The following TMEM87A variants were observed in gnomAD, a reference collection of about 807,000 sequenced individuals.
TMEM87A encodes the protein transmembrane protein 87A.
A neutral mutation model predicts 90.0 loss-of-function variants in TMEM87A; 50 were observed. That is an observed-to-expected ratio of 0.56 (90% CI 0.44 to 0.70). The LOEUF (loss-of-function observed/expected upper bound fraction) is 0.70, where lower values mean the gene tolerates loss of function less well. Among genes scored for constraint, TMEM87A ranks in the 30% least tolerant of loss-of-function variants. The pLI, the probability that TMEM87A is intolerant of heterozygous loss-of-function variation, is 0.00. For missense variants in TMEM87A, 577 were observed against 660.5 expected, an observed-to-expected ratio of 0.87 and a Z score of 1.39; for synonymous variants, 226 against 226.7, an observed-to-expected ratio of 1.00 and a Z score of 0.03.
rs1271981241 is a variant in TMEM87A, at chr15:42,210,504, T to C, written c.*1204A>G. The C allele has an allele frequency of 6.6e-6, 1 of 152,100 alleles. No individual in the cohort carries two copies. Among genetic ancestry groups the C allele is most frequent in the Non-Finnish European group, 1.5e-5 (1 of 68,004 alleles). The allele number at this position is 152,100 out of a possible 1,614,324, so 9.4% of individuals were successfully genotyped here. ...TGACAGAAAGAGTCTTTAGAAAAAG[T>C]TTGAAAAAAATGAGAAAAATACATT... On this transcript the variant is annotated 3_prime_UTR_variant, in exon 20 of 20. Transcript: ENST00000389834.
At chr15:42,257,953 A>C (rs2051214371) in intron 6 of TMEM87A, 1 of 983,044 alleles carries the variant, frequency 1.0e-6, no homozygotes. Flanking sequence ...TAAAATTACA[A>C]AGGATTTTTA....
chr15:42,258,966 G>T, intron 6 of TMEM87A: 2 of 991,506 alleles, frequency 2.0e-6, no homozygotes, highest in Non-Finnish European at 1.6e-6. Flanking sequence ...TCCAAGAAAT[G>T]TTTCTTCAAG....
intron 10 of TMEM87A, among the ~76,000 whole-genome samples, chr15:42,233,510 GT>G (rs968599250): frequency 6.6e-6 from 1 of 152,042 alleles, no homozygotes; most frequent in African/African-American, 2.4e-5. Context: ...CTTGTGTCTG[GT>G]TACCACATTT....
chr15:42,213,160 C>A (rs1327784678), intron 19 of TMEM87A, among the ~76,000 whole-genome samples: 1 of 152,190 alleles, frequency 6.6e-6, no homozygotes, highest in Non-Finnish European at 1.5e-5. Context: ...ACCCTCAGCT[C>A]CCAGCTTCTT....
At chr15:42,220,775 ATTTGT>A in intron 15 of TMEM87A, among the ~76,000 whole-genome samples, 1 of 151,924 alleles carries the variant, frequency 6.6e-6, no homozygotes, top group South Asian at 2.1e-4. Context: ...GCTTTTATTT[ATTTGT>A]TTTATTATTT....
intron 15 of TMEM87A, among the ~76,000 whole-genome samples, chr15:42,224,240 A>T (rs780646079): frequency 4.6e-5 from 7 of 152,232 alleles, no homozygotes; most frequent in Non-Finnish European, 8.8e-5. Context: ...AAAAGTCAGC[A>T]ACAGAGACAG....
chr15:42,219,536 GA>G, intron 17 of TMEM87A, 44 bp downstream of exon 17: 1 of 1,468,942 alleles, frequency 6.8e-7, no homozygotes, highest in Non-Finnish European at 9.4e-7. Flanking sequence ...CTAAGGGTTG[GA>G]AGATGGGACA....
chr15:42,256,829 C>T (rs1387341032), intron 6 of TMEM87A, among the ~76,000 whole-genome samples: 1 of 152,128 alleles, frequency 6.6e-6, no homozygotes, highest in Non-Finnish European at 1.5e-5. Context: ...GCCATCCTCC[C>T]ACTTCAGTCT....
At chr15:42,214,417 C>T (rs553643647) in intron 19 of TMEM87A, among the ~76,000 whole-genome samples, 115 of 152,226 alleles carry the variant, frequency 7.6e-4, no homozygotes, top group African/African-American at 2.6e-3. Context: ...GATGAGCAGA[C>T]GCAAAAATCT....
Position 42,237,417 on chromosome 15 carries a change from T to G in TMEM87A, c.868+15A>C. Reference sequence around the variant, plus strand: ...TCCAACCACTCGAACTGGCAAAGATTTTCTGGTTACTTACCAGATTCTCCT... The same window carrying G: ...TCCAACCACTCGAACTGGCAAAGATGTTCTGGTTACTTACCAGATTCTCCT... On this transcript the variant is annotated intron_variant, in intron 9 of 19. Coordinates refer to ENST00000389834, the MANE Select transcript of TMEM87A (RefSeq NM_015497.5). 1.9e-6 allele frequency: 3 copies of G among 1,612,118 alleles called. No homozygotes were observed. Among genetic ancestry groups the G allele is most frequent in the Non-Finnish European group, 2.5e-6 (3 of 1,178,656 alleles).
chr15:42,273,568 G>A, upstream of TMEM87A: 2 of 1,221,102 alleles, frequency 1.6e-6, no homozygotes, highest in Non-Finnish European at 1.1e-6. Context: ...TGTGCGCCGT[G>A]AGACTTTGGA....
At position 42,221,077 on chromosome 15, in the gene TMEM87A, C is replaced by T. The variant is rs1045090489; in HGVS notation, c.1404-942G>A. On this transcript the variant is annotated intron_variant, in intron 15 of 19. Transcript: ENST00000389834. ...AGGTGATCCGCCTGCCTCAGCCGCC[C>T]GCCACGGCCTCCCAAAGTGCTGGGA... Among the ~76,000 whole-genome samples, 8 of 152,300 alleles carry T rather than the reference C, an allele frequency of 5.3e-5. No homozygotes were observed. In the East Asian group the frequency reaches 1.2e-3, roughly 22 times the overall value.
chr15:42,266,848 A>C (rs554051617), intron 3 of TMEM87A, among the ~76,000 whole-genome samples: 1 of 152,338 alleles, frequency 6.6e-6, no homozygotes, highest in Non-Finnish European at 1.5e-5. Flanking sequence ...GCACTCTGCA[A>C]TTGCTTTGAC....
At chr15:42,255,574 T>G (rs997657479) in intron 6 of TMEM87A, among the ~76,000 whole-genome samples, 1 of 152,180 alleles carries the variant, frequency 6.6e-6, no homozygotes, top group African/African-American at 2.4e-5. Context: ...TCTGTACCTT[T>G]TACTCAATTC....
intron 19 of TMEM87A, among the ~76,000 whole-genome samples, chr15:42,214,808 C>T (rs183847548): frequency 1.3e-5 from 2 of 152,240 alleles, no homozygotes; most frequent in African/African-American, 4.8e-5. Flanking sequence ...GTCTAAGACA[C>T]CAAAAGCACA....
rs751483918 is a variant in TMEM87A at position 42,218,390 on chromosome 15, C to G, written c.1540-12G>C. ...AAATCATCTTCCTGCTGGGAACATA[C>G]AAATACCACTCATTACTAAAATGCA... On this transcript the variant is annotated splice_polypyrimidine_tract_variant and intron_variant, in intron 17 of 19. Coordinates refer to ENST00000389834, the MANE Select transcript of TMEM87A (RefSeq NM_015497.5). The G allele has an allele frequency of 9.3e-6, 15 of 1,613,050 alleles. No homozygotes were observed. Among genetic ancestry groups the G allele is most frequent in the Non-Finnish European group, 1.3e-5 (15 of 1,179,322 alleles).
chr15:42,250,985 CATTT>C (rs1441705343), intron 6 of TMEM87A, among the ~76,000 whole-genome samples: 6 of 152,016 alleles, frequency 3.9e-5, no homozygotes, highest in African/African-American at 1.4e-4. Context: ...TCATTTCATT[CATTT>C]GATTTTCAAT....
chr15:42,238,749 CTTTTTTTTTTT>C (rs374648537), intron 8 of TMEM87A, among the ~76,000 whole-genome samples: 1 of 119,600 alleles, frequency 8.4e-6, no homozygotes, highest in African/African-American at 3.2e-5. Flanking sequence ...GTGAGACTCT[CTTTTTTTTTTT>C]TTTTTTTTAA....
intron 6 of TMEM87A, among the ~76,000 whole-genome samples, chr15:42,251,026 C>T (rs1178381826): frequency 7.2e-5 from 11 of 152,086 alleles, no homozygotes; most frequent in East Asian, 3.9e-4. Context: ...TCCACTTGAT[C>T]GAATCAGCTA....
Sources: allele counts gnomAD v4.1 joint callset (sites outside exome capture counted in the v4.1 genomes callset), GRCh38; gene constraint gnomAD v4.1.1; transcripts MANE v1.5; gene names NCBI Gene and HGNC (gene_info 2026-07-23, HGNC 2026-07-21).